UTRN: variants seen among roughly 807,000 people sequenced by gnomAD.
The protein encoded by UTRN is dystrophin-related protein 1.
Under a neutral mutation model 463.9 loss-of-function variants are expected in UTRN, and 283 were observed. The observed-to-expected ratio is 0.61, with a 90% CI of 0.55 to 0.67. UTRN has a LOEUF of 0.67. UTRN is among the 30% of genes least tolerant of loss of function. The probability of loss-of-function intolerance (pLI) is 0.00; values close to 1 mark genes in which losing one functional copy is unlikely to be tolerated. For synonymous variants in UTRN, 1,442 were observed against 1,431.5 expected (o/e 1.01, Z -0.17); for missense variants, 3,922 against 4,084.3 (o/e 0.96, Z 1.08).
At chr6:144,447,553 G>T in intron 15 of UTRN, 49 bp from the exon 16 acceptor site, 3 of 1,596,556 alleles carry the variant, frequency 1.9e-6, no homozygotes, top group Non-Finnish European at 2.6e-6. Flanking sequence ...GGAACAGAAA[G>T]ACAAAGTCCT....
intron 51 of UTRN, among the ~76,000 whole-genome samples, chr6:144,598,819 A>C (rs903405594): frequency 1.3e-5 from 2 of 152,174 alleles, no homozygotes; most frequent in Non-Finnish European, 2.9e-5. Flanking sequence ...ACCCATTCCC[A>C]TCACGGCCTG....
chr6:144,451,229 G>A (rs2128557162), intron 17 of UTRN, 141 bp from the exon 18 acceptor site: 2 of 758,616 alleles, frequency 2.6e-6, no homozygotes, highest in African/African-American at 1.8e-5. Context: ...ATTTTGCATG[G>A]TTACCCTATT....
chr6:144,329,509 G>A (rs1232451306), intron 2 of UTRN, among the ~76,000 whole-genome samples: 1 of 152,146 alleles, frequency 6.6e-6, no homozygotes, highest in African/African-American at 2.4e-5. Context: ...AGAACTTCTA[G>A]CATCTCTAAC....
rs377561248 is a variant in UTRN at position 144,608,557 on chromosome 6, A to G, written c.7479+31269A>G. 8.5e-5 allele frequency among the ~76,000 whole-genome samples: 13 copies of G among 152,120 alleles called. No homozygotes were observed. The East Asian group carries it at 1.5e-3, about 18-fold the overall frequency. On this transcript the variant is annotated intron_variant, in intron 51 of 74. Transcript: ENST00000367545. ...ACAATAAGCGGAACAGTTTTCTTTGACTGTACCACCCCTCCCCCAAGCTGG... is the reference window on the plus strand; with the variant it reads ...ACAATAAGCGGAACAGTTTTCTTTGGCTGTACCACCCCTCCCCCAAGCTGG...
chr6:144,454,000 G>A (rs1282131104), intron 19 of UTRN, 131 bp downstream of exon 19: 3 of 716,160 alleles, frequency 4.2e-6, no homozygotes, highest in African/African-American at 3.6e-5. Context: ...TTTCAAAAAT[G>A]TTTTTAGGCA....
At chr6:144,472,717 A>G (rs1431798454) in intron 23 of UTRN, among the ~76,000 whole-genome samples, 2 of 152,084 alleles carry the variant, frequency 1.3e-5, no homozygotes, top group Admixed American at 6.6e-5. Context: ...GAAAGAAATG[A>G]CAATGATTTT....
At chr6:144,739,096 T>C (rs894638942) in intron 54 of UTRN, among the ~76,000 whole-genome samples, 12 of 152,194 alleles carry the variant, frequency 7.9e-5, no homozygotes, top group African/African-American at 2.9e-4. Flanking sequence ...CTTTGACAGA[T>C]GGCTATGTAT....
chr6:144,673,274 T>C (rs1431956638), intron 51 of UTRN, among the ~76,000 whole-genome samples: 1 of 152,162 alleles, frequency 6.6e-6, no homozygotes, highest in Non-Finnish European at 1.5e-5. Flanking sequence ...CAGTGGAATA[T>C]TGAAGTCCCC....
chr6:144,620,310 ACT>A (rs1205888843), intron 51 of UTRN, among the ~76,000 whole-genome samples: 1 of 151,932 alleles, frequency 6.6e-6, no homozygotes, highest in Non-Finnish European at 1.5e-5. Context: ...GGTTCCTTTA[ACT>A]CTGATGCCTG....
chr6:144,609,570 T>A (rs753928637), intron 51 of UTRN, among the ~76,000 whole-genome samples: 1 of 152,182 alleles, frequency 6.6e-6, no homozygotes, highest in African/African-American at 2.4e-5. Flanking sequence ...GGACTTGAAT[T>A]GCAGTATAGA....
chr6:144,553,486 T>C (rs1411352127), intron 48 of UTRN, among the ~76,000 whole-genome samples: 1 of 152,242 alleles, frequency 6.6e-6, no homozygotes, highest in African/African-American at 2.4e-5. Context: ...TTGTCTGATA[T>C]CCAAAGCATC....
intron 54 of UTRN, among the ~76,000 whole-genome samples, chr6:144,731,147 A>G (rs1017738017): frequency 4.0e-5 from 6 of 151,618 alleles, no homozygotes; most frequent in African/African-American, 1.4e-4. Context: ...GGTTACTTTT[A>G]AAAATGAGAG....
chr6:144,803,226 G>T, intron 65 of UTRN, 79 bp downstream of exon 65: 1 of 885,314 alleles, frequency 1.1e-6, no homozygotes, highest in Non-Finnish European at 1.5e-6. Flanking sequence ...TATTTATTTA[G>T]ACTTAATCTT....
At chr6:144,767,115 G>A (rs1451738278) in intron 58 of UTRN, among the ~76,000 whole-genome samples, 2 of 152,248 alleles carry the variant, frequency 1.3e-5, no homozygotes, top group South Asian at 2.1e-4. Context: ...GAGAGAGATA[G>A]CAGTAGTGAA....
At chr6:144,724,193 TG>T (rs1787565408) in intron 53 of UTRN, among the ~76,000 whole-genome samples, 1 of 150,342 alleles carries the variant, frequency 6.7e-6, no homozygotes, top group Non-Finnish European at 1.5e-5. Context: ...CACAGAGTTG[TG>T]CACCATTATT....
intron 2 of UTRN, among the ~76,000 whole-genome samples, chr6:144,360,060 C>CCCTTCCCTTCCCTTT (rs1778915286): frequency 1.0e-5 from 1 of 96,174 alleles, no homozygotes; most frequent in Admixed American, 1.0e-4. Context: ...CCCTTCCCTT[C>CCCTTCCCTTCCCTTT]CCTTCCCTTC....
chr6:144,448,534 A>C (rs1787924871), intron 16 of UTRN, 66 bp from the exon 17 acceptor site: 7 of 1,538,172 alleles, frequency 4.6e-6, no homozygotes, highest in Non-Finnish European at 6.2e-6. Flanking sequence ...AGAATTTTAT[A>C]GCATGTGAAT....
chr6:144,562,447 A>C (rs1442318764), intron 50 of UTRN, among the ~76,000 whole-genome samples: 1 of 152,128 alleles, frequency 6.6e-6, no homozygotes, highest in Non-Finnish European at 1.5e-5. Context: ...AAGTGAGAAC[A>C]TGCGGTGTTT....
At chr6:144,655,628 CTTCTT>C (rs924405694) in intron 51 of UTRN, among the ~76,000 whole-genome samples, 2 of 152,224 alleles carry the variant, frequency 1.3e-5, no homozygotes, top group South Asian at 2.1e-4. Flanking sequence ...AGAAGCTTTT[CTTCTT>C]TTCTTTTCTT....
Sources: allele counts gnomAD v4.1 joint callset (sites outside exome capture counted in the v4.1 genomes callset), GRCh38; gene constraint gnomAD v4.1.1; transcripts MANE v1.5; gene names NCBI Gene and HGNC (gene_info 2026-07-23, HGNC 2026-07-21).